The following IL16 variants were observed in gnomAD, a reference collection of about 807,000 sequenced individuals.
The protein encoded by IL16 is interleukin 16.
A neutral mutation model predicts 110.1 loss-of-function variants in IL16; 67 were observed. The observed-to-expected ratio is 0.61, with a 90% CI of 0.50 to 0.75. The LOEUF (loss-of-function observed/expected upper bound fraction) is 0.75, where lower values mean the gene tolerates loss of function less well. Among genes scored for constraint, IL16 ranks in the 30% least tolerant of loss-of-function variants. The pLI, the probability that IL16 is intolerant of heterozygous loss-of-function variation, is 0.00. For missense variants in IL16, 1,545 were observed against 1,655.0 expected (o/e 0.93, Z 1.15); for synonymous variants, 689 against 662.9 (o/e 1.04, Z -0.61).
At chr15:81,238,092 T>G (rs911118185) in intron 2 of IL16, among the ~76,000 whole-genome samples, 2 of 151,890 alleles carry the variant, frequency 1.3e-5, no homozygotes, top group Non-Finnish European at 2.9e-5. Flanking sequence ...TTAGTAGAGA[T>G]GGGGTTTTAC....
chr15:81,212,437 TTTTTTTTAA>T (rs902489610), intron 1 of IL16, among the ~76,000 whole-genome samples: 1 of 151,904 alleles, frequency 6.6e-6, no homozygotes, highest in African/African-American at 2.4e-5. Context: ...TAAGTCAAGA[TTTTTTTTAA>T]TTTTTAAAAA....
chr15:81,301,294 C>T, intron 14 of IL16, 50 bp from the exon 15 acceptor site: 1 of 1,508,982 alleles, frequency 6.6e-7, no homozygotes, highest in Non-Finnish European at 9.0e-7. Context: ...TCACTGTTAC[C>T]TCTTTTTAAT....
intron 1 of IL16, among the ~76,000 whole-genome samples, chr15:81,211,253 C>CT (rs201687635): frequency 1.9e-3 from 262 of 135,312 alleles, no homozygotes; most frequent in South Asian, 4.9e-3. Context: ...TTTTTTCTTT[C>CT]TTTTTTTTTT....
intron 2 of IL16, among the ~76,000 whole-genome samples, chr15:81,252,127 A>G (rs1595994823): frequency 1.3e-5 from 2 of 152,356 alleles, no homozygotes; most frequent in Middle Eastern, 6.8e-3. Context: ...TCAATTCTAA[A>G]TTGATTCCAG....
upstream of IL16, among the ~76,000 whole-genome samples, chr15:81,195,341 A>T (rs1895569695): frequency 3.9e-5 from 6 of 152,152 alleles, no homozygotes; most frequent in Admixed American, 3.9e-4. Flanking sequence ...TCTCTGCCAG[A>T]GCAAGATGGA....
chr15:81,246,507 C>A (rs1423799753), intron 2 of IL16, among the ~76,000 whole-genome samples: 3 of 152,146 alleles, frequency 2.0e-5, no homozygotes, highest in Non-Finnish European at 4.4e-5. Flanking sequence ...CAGTGTTCAA[C>A]AAATCTTTGA....
intron 2 of IL16, among the ~76,000 whole-genome samples, chr15:81,236,076 A>G (rs1043566298): frequency 1.3e-5 from 2 of 152,218 alleles, no homozygotes; most frequent in Non-Finnish European, 2.9e-5. Context: ...TTTCTTTAAA[A>G]ATTCAAAGTA....
intron 8 of IL16, among the ~76,000 whole-genome samples, chr15:81,280,971 T>C (rs1474157548): frequency 2.6e-5 from 4 of 152,214 alleles, no homozygotes; most frequent in Admixed American, 1.3e-4. Flanking sequence ...GCTCATTTTA[T>C]ATAATGCAGC....
At chr15:81,293,152 C>G (rs1899821763) in intron 12 of IL16, 115 bp downstream of exon 12, 2 of 1,147,164 alleles carry the variant, frequency 1.7e-6, no homozygotes, top group Admixed American at 5.1e-5. Context: ...TCCTGCTCCA[C>G]CAGAGAGAAA....
In IL16 at chr15:81,306,495, A is replaced by G; in HGVS notation, c.3755A>G (p.Lys1252Arg). ...CTGGGCTTCAGCCTGGAAGGAGGGAAGGGCTCCCTACACGGAGACAAGCCT... is the reference window on the plus strand; with the variant it reads ...CTGGGCTTCAGCCTGGAAGGAGGGAGGGGCTCCCTACACGGAGACAAGCCT... ...AGLGFSLEGG[K>R]GSLHGDKPLT... Residue 1252 changes from lysine (K) to arginine (R), a missense_variant, in exon 18 of 19, where the codon AAG (lysine) becomes AGG (arginine). Physicochemically the swap from Lys to Arg is conservative, Grantham distance 26. This residue lies in a region of IL16 where 356 missense variants were observed against 399.3 expected (regional missense o/e 0.89). Transcript: ENST00000683961. 8 of 1,613,584 alleles carry G rather than the reference A, an allele frequency of 5.0e-6. No individual in the cohort carries two copies. The highest frequency in any genetic ancestry group is 5.9e-6 in the Non-Finnish European group (7 of 1,179,920).
intron 18 of IL16, among the ~76,000 whole-genome samples, chr15:81,307,675 G>A (rs1900641634): frequency 6.6e-6 from 1 of 152,132 alleles, no homozygotes; most frequent in Non-Finnish European, 1.5e-5. Flanking sequence ...CACCACCATG[G>A]GCCCATTTGC....
In IL16 at chr15:81,312,384, G is replaced by A. The variant is rs1900906269; in HGVS notation, c.*3586G>A. On this transcript the variant is annotated 3_prime_UTR_variant, in exon 19 of 19. Transcript: ENST00000683961. ...TCTTTCCTGATGGCAGGATGGCCTG[G>A]CCAGGGCCTGGAAGACAGAGACCTC... is the stretch of plus-strand genomic sequence containing the variant. The A allele has an allele frequency of 6.6e-6, 1 of 152,256 alleles. No homozygotes were observed. Among genetic ancestry groups the A allele is most frequent in the Non-Finnish European group, 1.5e-5 (1 of 68,064 alleles). The allele number at this position is 152,256 out of a possible 1,614,324, so 9.4% of individuals were successfully genotyped here.
intron 2 of IL16, among the ~76,000 whole-genome samples, chr15:81,248,322 A>G (rs921070078): frequency 6.6e-6 from 1 of 151,658 alleles, no homozygotes; most frequent in African/African-American, 2.4e-5. Flanking sequence ...ACACACACCT[A>G]CTTATGTATG....
chr15:81,215,503 G>T (rs982449072), intron 1 of IL16, among the ~76,000 whole-genome samples: 1 of 152,164 alleles, frequency 6.6e-6, no homozygotes, highest in African/African-American at 2.4e-5. Context: ...CCTCATGTTG[G>T]CAGGTGTGCT....
intron 10 of IL16, among the ~76,000 whole-genome samples, chr15:81,286,230 A>G (rs973023130): frequency 6.6e-6 from 1 of 152,236 alleles, no homozygotes; most frequent in African/African-American, 2.4e-5. Flanking sequence ...AGCTCACAGT[A>G]TCAATAAAGA....
chr15:81,217,283 G>T (rs1033827298), intron 1 of IL16, among the ~76,000 whole-genome samples: 1 of 152,146 alleles, frequency 6.6e-6, no homozygotes, highest in Non-Finnish European at 1.5e-5. Context: ...GTCTGTGATG[G>T]ACAACTTTAT....
chr15:81,245,606 G>T (rs1897511959), intron 2 of IL16, among the ~76,000 whole-genome samples: 1 of 134,738 alleles, frequency 7.4e-6, no homozygotes, highest in Non-Finnish European at 1.6e-5. Context: ...GCTGGCATGG[G>T]TGGGACAGGG....
At chr15:81,226,217 G>C (rs1896783821) in intron 2 of IL16, among the ~76,000 whole-genome samples, 1 of 152,192 alleles carries the variant, frequency 6.6e-6, no homozygotes, top group Non-Finnish European at 1.5e-5. Flanking sequence ...TTCAACATAG[G>C]TGTAGATGCT....
At chr15:81,186,122 G>A (rs1422181868) in intron 1 of IL16, among the ~76,000 whole-genome samples, 6 of 152,136 alleles carry the variant, frequency 3.9e-5, no homozygotes, top group African/African-American at 7.2e-5. Context: ...CAGAGGCCTC[G>A]CCCTGAACCC....
Sources: allele counts gnomAD v4.1 joint callset (sites outside exome capture counted in the v4.1 genomes callset), GRCh38; gene constraint gnomAD v4.1.1; regional missense constraint gnomAD v4.1.1; transcripts MANE v1.5; gene names NCBI Gene and HGNC (gene_info 2026-07-23, HGNC 2026-07-21).